The following RPP40 variants were observed in gnomAD, a reference collection of about 807,000 sequenced individuals.
The protein encoded by RPP40 is ribonuclease P protein subunit p40.
In RPP40, 30 loss-of-function variants were observed where a neutral mutation model predicts 42.5. The ratio of observed to expected loss-of-function variants is 0.71; its 90% CI spans 0.53 to 0.96. The LOEUF (loss-of-function observed/expected upper bound fraction) is 0.96. Among genes scored for constraint, RPP40 ranks in the 40% least tolerant of loss-of-function variants. The probability of loss-of-function intolerance (pLI) is 0.00; values close to 1 mark genes in which losing one functional copy is unlikely to be tolerated. For synonymous variants in RPP40, 173 were observed against 164.0 expected, an observed-to-expected ratio of 1.05 and a Z score of -0.42; for missense variants, 426 against 433.5, an observed-to-expected ratio of 0.98 and a Z score of 0.15.
In RPP40 at chr6:4,996,345, C is replaced by T. The variant is rs1248988752; in HGVS notation, c.635G>A (p.Ser212Asn). 2 of 1,614,094 alleles carry T rather than the reference C, an allele frequency of 1.2e-6. No individual in the cohort carries two copies. Among genetic ancestry groups the T allele is most frequent in the Non-Finnish European group, 8.5e-7 (1 of 1,180,034 alleles). The change falls in exon 6 of 8, where the codon AGC becomes AAC. Residue 212 changes from serine to asparagine, a missense_variant. Ser to Asn is a conservative substitution (Grantham distance 46). Coordinates refer to ENST00000380051, the MANE Select transcript of RPP40 (RefSeq NM_006638.4). ...TGGGCACTGGAGATCTCTCAACGTG[C>T]TCAGTGCTACTTTTGGCTGATGCTC... ...IQEHQPKVAL[S>N]TLRDLQCPVL...
Position 4,998,844 on chromosome 6 carries a change from T to A in RPP40, c.434-3A>T, listed in dbSNP as rs1386164237. 1.4e-6 allele frequency: 2 copies of A among 1,394,564 alleles called. No individual in the cohort carries two copies. Among genetic ancestry groups the A allele is most frequent in the Non-Finnish European group, 9.8e-7 (1 of 1,022,370 alleles). 86.4% of individuals were successfully genotyped at this position (1,394,564 alleles called of 1,614,324 possible). On this transcript the variant is annotated splice_polypyrimidine_tract_variant and splice_region_variant and intron_variant, in intron 4 of 7. Transcript: ENST00000380051. Reference sequence around the variant, plus strand: ...TTCCATCAAATCAATGGAAACAACTTTAAAAATGAAAAAAAGAACATATAT... The same window carrying A: ...TTCCATCAAATCAATGGAAACAACTATAAAAATGAAAAAAAGAACATATAT...
chr6:5,003,831 C>T (rs770422674), intron 1 of RPP40, 49 bp downstream of exon 1: 5 of 1,576,680 alleles, frequency 3.2e-6, no homozygotes, highest in Non-Finnish European at 4.3e-6. Flanking sequence ...ACCTCTCTCG[C>T]ACGCGGGGAC....
downstream of RPP40, among the ~76,000 whole-genome samples, chr6:4,994,548 G>A (rs73354338): frequency 6.6e-6 from 1 of 152,272 alleles, no homozygotes; most frequent in South Asian, 2.1e-4. Flanking sequence ...AGGCATTAGC[G>A]TGAGAACACA....
At chr6:5,000,976 ATGCAGAAGACCAAGCT>A in intron 2 of RPP40, 1 of 457,056 alleles carries the variant, frequency 2.2e-6, no homozygotes, top group South Asian at 1.6e-5. Flanking sequence ...AAGACCAAGC[ATGCAGAAGACCAAGCT>A]TGCAGAAGAC....
At chr6:4,989,975 G>A (rs1054952129), downstream of RPP40, among the ~76,000 whole-genome samples, 3 of 152,220 alleles carry the variant, frequency 2.0e-5, no homozygotes, top group African/African-American at 7.2e-5. Context: ...ATGTTGAACA[G>A]AGGCGGTAAA....
chr6:4,989,216 T>C, the RPP40 span, among the ~76,000 whole-genome samples: 1 of 152,120 alleles, frequency 6.6e-6, no homozygotes, highest in African/African-American at 2.4e-5. Context: ...TTTGTTTTCT[T>C]ATTGCTGAGT....
downstream of RPP40, among the ~76,000 whole-genome samples, chr6:4,990,393 G>A (rs1017791428): frequency 6.6e-6 from 1 of 152,176 alleles, no homozygotes; most frequent in African/African-American, 2.4e-5. Context: ...CTGGTAGCAT[G>A]TTTGTTTGGC....
Position 5,000,609 on chromosome 6 carries a change from G to A in RPP40, c.291C>T (p.Tyr97=), listed in dbSNP as rs943746078. ...TATTATCTTCATCAATATGTGTATT[G>A]TATGTTAGTGCATAGCAAGAACCTG... The part of the protein sequence containing the change: ...IKKGSCYALT[Y]NTHIDEDNTV... The change falls in exon 3 of 8, where the codon TAC becomes TAT. Residue 97 remains tyrosine, a synonymous_variant. Coordinates refer to ENST00000380051, the MANE Select transcript of RPP40 (RefSeq NM_006638.4). 1.9e-6 allele frequency: 3 copies of A among 1,588,816 alleles called. No homozygotes were observed. Among genetic ancestry groups the A allele is most frequent in the Non-Finnish European group, 1.7e-6 (2 of 1,159,914 alleles).
chr6:5,003,036 CCAA>C (rs202242146), intron 1 of RPP40, among the ~76,000 whole-genome samples: 1,661 of 152,246 alleles, frequency 0.011, 28 homozygotes, highest in African/African-American at 0.038. Flanking sequence ...CAAATTAGTT[CCAA>C]CAACCAATTT....
intron 5 of RPP40, among the ~76,000 whole-genome samples, chr6:4,997,646 C>T (rs1759422420): frequency 8.8e-6 from 1 of 114,254 alleles, no homozygotes; most frequent in African/African-American, 3.4e-5. Context: ...AATCTCCTCT[C>T]ATCCATCCAT....
intron 1 of RPP40, among the ~76,000 whole-genome samples, chr6:5,003,263 C>T (rs1343050064): frequency 5.6e-5 from 8 of 141,800 alleles, no homozygotes; most frequent in African/African-American, 2.1e-4. Context: ...AGGAGAATGG[C>T]GTGAACCCGG....
At chr6:5,003,850 G>A in intron 1 of RPP40, 30 bp downstream of exon 1, 1 of 1,593,570 alleles carries the variant, frequency 6.3e-7, no homozygotes, top group Non-Finnish European at 8.6e-7. Context: ...ACTGAGCACG[G>A]CCCGAAAAGC....
Position 4,998,744 on chromosome 6 carries a change from A to C in RPP40, c.531T>G (p.Phe177Leu). The C allele has an allele frequency of 6.4e-7, 1 of 1,559,948 alleles. No individual in the cohort carries two copies. ...WSFKEKKPLK[F>L]DFLLAWHKTG... Reference sequence around the variant, plus strand: ...TTTTATGCCAAGCCAAAAGAAAATCAAATTTCAATGGCTTCTTTTCTTTGA... The same window carrying C: ...TTTTATGCCAAGCCAAAAGAAAATCCAATTTCAATGGCTTCTTTTCTTTGA... The change falls in exon 5 of 8, where the codon TTT (phenylalanine) becomes TTG (leucine). Residue 177 changes from phenylalanine to leucine, a missense_variant. Physicochemically the swap from Phe to Leu is conservative, Grantham distance 22 (BLOSUM62 0). Coordinates refer to ENST00000380051, the MANE Select transcript of RPP40 (RefSeq NM_006638.4).
downstream of RPP40, among the ~76,000 whole-genome samples, chr6:4,993,498 G>C (rs904566146): frequency 1.3e-5 from 2 of 152,146 alleles, no homozygotes; most frequent in Non-Finnish European, 2.9e-5. Context: ...TTAACGGCCT[G>C]CTTCTGCCCC....
intron 2 of RPP40, among the ~76,000 whole-genome samples, chr6:5,001,388 A>G (rs1490457214): frequency 1.3e-5 from 2 of 152,226 alleles, no homozygotes; most frequent in Non-Finnish European, 2.9e-5. Flanking sequence ...TGCCCAGCTC[A>G]TAAGTCGCCC....
rs1377441109 is a variant in RPP40 at position 5,003,721 on chromosome 6, A to C, written c.123+159T>G. On this transcript the variant is annotated intron_variant, in intron 1 of 7. Coordinates refer to ENST00000380051, the MANE Select transcript of RPP40 (RefSeq NM_006638.4). ...GTAGCCCTGCAAGCCACTGGCTTAG[A>C]GCAGTTAAGAGACTACAACTCCCAG... The C allele has an allele frequency of 4.5e-6, 4 of 893,044 alleles. No homozygotes were observed. In the African/African-American group the frequency reaches 5.2e-5, roughly 12 times the overall value. 55.3% of individuals were successfully genotyped at this position (893,044 alleles called of 1,614,324 possible).
chr6:4,991,133 T>TA (rs959350317), downstream of RPP40, among the ~76,000 whole-genome samples: 25 of 152,306 alleles, frequency 1.6e-4, 2 homozygotes, highest in African/African-American at 6.0e-4. Flanking sequence ...TTCTCTATTT[T>TA]AAAAATTTCA....
At chr6:5,002,293 A>G in intron 1 of RPP40, 48 bp from the exon 2 acceptor site, 1 of 1,456,866 alleles carries the variant, frequency 6.9e-7, no homozygotes, top group African/African-American at 1.4e-5. Context: ...ATGAAGATGA[A>G]CACCCAGGTT....
Position 5,003,996 on chromosome 6 carries a change from T to C in RPP40, c.7A>G (p.Thr3Ala), listed in dbSNP as rs998760287. Residue 3 changes from threonine to alanine, a missense_variant, in exon 1 of 8, where the codon ACG becomes GCG. Thr to Ala is a moderately conservative substitution (Grantham distance 58, BLOSUM62 0). Transcript: ENST00000380051. ...GGCGCCTCCCGAAGCCGGCGCAGCG[T>C]GGCCATGCTCTCCTGGGTTCCTGGT... MA[T>A]LRRLREAPRH... 1.2e-6 allele frequency: 2 copies of C among 1,607,840 alleles called. No homozygotes were observed. The highest frequency in any genetic ancestry group is 1.3e-5 in the African/African-American group (1 of 74,218).
Sources: allele counts gnomAD v4.1 joint callset (sites outside exome capture counted in the v4.1 genomes callset), GRCh38; gene constraint gnomAD v4.1.1; transcripts MANE v1.5; gene names NCBI Gene and HGNC (gene_info 2026-07-23, HGNC 2026-07-21).